The following CCDC138 variants were observed in gnomAD, a reference collection of about 807,000 sequenced individuals.
CCDC138 encodes coiled-coil domain containing 138.
A neutral mutation model predicts 82.3 loss-of-function variants in CCDC138; 66 were observed. The observed-to-expected ratio is 0.80, with a 90% CI of 0.66 to 0.98. CCDC138 has a LOEUF of 0.98. Among genes scored for constraint, CCDC138 ranks in the 50% least tolerant of loss-of-function variants. CCDC138 has a pLI of 0.00. For missense variants in CCDC138, 816 were observed against 758.9 expected, an observed-to-expected ratio of 1.08 and a Z score of -0.88; for synonymous variants, 297 against 265.4, an observed-to-expected ratio of 1.12 and a Z score of -1.16.
intron 14 of CCDC138, among the ~76,000 whole-genome samples, chr2:108,874,934 T>TA (rs397700935): frequency 2.0e-5 from 3 of 151,472 alleles, no homozygotes; most frequent in Non-Finnish European, 4.4e-5. Flanking sequence ...TTTTTTTTTT[T>TA]AAAGGTAGTC....
At chr2:108,874,356 C>G (rs1053678733) in intron 14 of CCDC138, among the ~76,000 whole-genome samples, 3 of 152,088 alleles carry the variant, frequency 2.0e-5, no homozygotes, top group African/African-American at 7.2e-5. Context: ...CCTCATCTTT[C>G]TCCTGACTCA....
intron 6 of CCDC138, among the ~76,000 whole-genome samples, chr2:108,800,608 C>CTTTTTTTTTTT (rs67529329): frequency 4.5e-4 from 15 of 33,484 alleles, no homozygotes; most frequent in Non-Finnish European, 6.2e-4. Context: ...CTCAGTTTAG[C>CTTTTTTTTTTT]TTTTTTTTTT....
In CCDC138 at chr2:108,846,821, T is replaced by A; in HGVS notation, c.1407T>A (p.Ser469=). 1 of 1,612,860 alleles carries A rather than the reference T, an allele frequency of 6.2e-7. No individual in the cohort carries two copies. Among genetic ancestry groups the A allele is most frequent in the Non-Finnish European group, 8.5e-7 (1 of 1,179,130 alleles). The change falls in exon 12 of 15, where the codon TCT becomes TCA. Residue 469 remains serine (S), a synonymous_variant. Coordinates refer to ENST00000295124, the MANE Select transcript of CCDC138 (RefSeq NM_144978.3). ...TAACTAAAGGAATTCAGGATAATTC[T>A]CCACAGCATTCTGTGGAGAATAAAC... ...GVVTKGIQDN[S]PQHSVENKPK...
intron 11 of CCDC138, among the ~76,000 whole-genome samples, chr2:108,841,105 G>A (rs984120110): frequency 6.6e-6 from 1 of 152,028 alleles, no homozygotes; most frequent in Non-Finnish European, 1.5e-5. Context: ...CAAAGTACTG[G>A]GATTACAGGT....
intron 10 of CCDC138, among the ~76,000 whole-genome samples, chr2:108,833,181 G>A (rs1687985689): frequency 6.6e-6 from 1 of 152,192 alleles, no homozygotes; most frequent in Non-Finnish European, 1.5e-5. Flanking sequence ...GTGGATACAT[G>A]TCATTATATG....
At chr2:108,818,378 A>G (rs1685131517) in intron 10 of CCDC138, among the ~76,000 whole-genome samples, 1 of 152,304 alleles carries the variant, frequency 6.6e-6, no homozygotes, top group Middle Eastern at 3.4e-3. Flanking sequence ...AGAGAATAAT[A>G]TTTAGCACGT....
At chr2:108,840,294 G>A (rs1456260162) in intron 11 of CCDC138, among the ~76,000 whole-genome samples, 1 of 151,958 alleles carries the variant, frequency 6.6e-6, no homozygotes, top group Non-Finnish European at 1.5e-5. Flanking sequence ...AGAAATATTT[G>A]TCTATAGTTT....
At chr2:108,866,557 C>T (rs561545250) in intron 13 of CCDC138, among the ~76,000 whole-genome samples, 2 of 152,288 alleles carry the variant, frequency 1.3e-5, no homozygotes, top group South Asian at 2.1e-4. Flanking sequence ...TTATGTTTTA[C>T]AGTGCAGTTA....
intron 13 of CCDC138, among the ~76,000 whole-genome samples, chr2:108,867,532 C>T (rs181246547): frequency 7.9e-5 from 12 of 152,222 alleles, no homozygotes; most frequent in Non-Finnish European, 1.3e-4. Context: ...TAGCACTCCC[C>T]TCCCCAAGCC....
downstream of CCDC138, chr2:108,878,509 C>A: frequency 4.6e-6 from 1 of 215,580 alleles, no homozygotes; most frequent in South Asian, 8.0e-5. Flanking sequence ...GTATCAAGGT[C>A]ACTGTCATCT....
intron 4 of CCDC138, among the ~76,000 whole-genome samples, chr2:108,793,570 T>C (rs1046152092): frequency 2.0e-5 from 3 of 151,992 alleles, no homozygotes; most frequent in Non-Finnish European, 4.4e-5. Context: ...CTACTACTTA[T>C]ATACCCTCAG....
At chr2:108,810,431 A>G (rs988923153) in intron 7 of CCDC138, among the ~76,000 whole-genome samples, 1 of 152,164 alleles carries the variant, frequency 6.6e-6, no homozygotes, top group African/African-American at 2.4e-5. Flanking sequence ...TCATTCTGTT[A>G]TACTCTTCAT....
intron 10 of CCDC138, among the ~76,000 whole-genome samples, chr2:108,822,006 C>G (rs1685786566): frequency 6.6e-6 from 1 of 150,748 alleles, no homozygotes; most frequent in Non-Finnish European, 1.5e-5. Context: ...AAAAAACTAA[C>G]TAGAGTGGCT....
intron 10 of CCDC138, among the ~76,000 whole-genome samples, chr2:108,820,369 G>A (rs773355181): frequency 7.2e-5 from 11 of 152,180 alleles, no homozygotes; most frequent in Non-Finnish European, 1.2e-4. Context: ...TGTAATGTAA[G>A]TCTTGGAATG....
chr2:108,817,580 C>T lies in CCDC138; in HGVS notation c.1206+1475C>T, dbSNP rs528382636. ...TGCTGGGATTACAGGCATGAGCCAC[C>T]GTGCCCAGCCATCAGATATCTTCTG... On this transcript the variant is annotated intron_variant, in intron 10 of 14. Coordinates refer to ENST00000295124, the MANE Select transcript of CCDC138 (RefSeq NM_144978.3). Among the ~76,000 whole-genome samples, 51 of 152,234 alleles carry T rather than the reference C, an allele frequency of 3.4e-4. 1 individual carries two copies. In the South Asian group the frequency reaches 7.7e-3, roughly 23 times the overall value.
intron 13 of CCDC138, among the ~76,000 whole-genome samples, chr2:108,872,350 C>T (rs1695399789): frequency 1.3e-5 from 2 of 152,284 alleles, no homozygotes; most frequent in Middle Eastern, 3.4e-3. Context: ...CCACCACATA[C>T]ACATACCTCG....
intron 12 of CCDC138, among the ~76,000 whole-genome samples, chr2:108,849,463 A>G (rs1269969580): frequency 6.6e-6 from 1 of 152,062 alleles, no homozygotes; most frequent in Non-Finnish European, 1.5e-5. Context: ...GATTTCAGGA[A>G]TACTGCCTCC....
intron 10 of CCDC138, among the ~76,000 whole-genome samples, chr2:108,828,193 C>T (rs1217123216): frequency 1.3e-5 from 2 of 151,856 alleles, no homozygotes; most frequent in Non-Finnish European, 2.9e-5. Context: ...TGGAGGTTAT[C>T]GTGAAACCAT....
chr2:108,861,145 A>T (rs1361613245), intron 13 of CCDC138, among the ~76,000 whole-genome samples: 31 of 149,830 alleles, frequency 2.1e-4, no homozygotes, highest in Admixed American at 4.6e-4. Flanking sequence ...ATTTTTTTTT[A>T]AATTTATTTC....
Sources: allele counts gnomAD v4.1 joint callset (sites outside exome capture counted in the v4.1 genomes callset), GRCh38; gene constraint gnomAD v4.1.1; transcripts MANE v1.5; gene names NCBI Gene and HGNC (gene_info 2026-07-23, HGNC 2026-07-21).